ANKRD11: variants seen among roughly 807,000 people sequenced by gnomAD.
ANKRD11 encodes the protein ankyrin repeat domain 11, also known as ankyrin repeat domain-containing protein 11.
ANKRD11 carries 17 observed loss-of-function variants against 195.7 expected under a neutral mutation model. The observed-to-expected ratio is 0.09, with a 90% CI of 0.06 to 0.13. The LOEUF (loss-of-function observed/expected upper bound fraction) is 0.13. Ranked by LOEUF, ANKRD11 falls within the 10% of genes least tolerant of loss-of-function variation. The pLI is 1.00. For synonymous variants in ANKRD11, 1,953 were observed against 1,528.1 expected, an observed-to-expected ratio of 1.28 and a Z score of -6.49; for missense variants, 3,735 against 3,566.1, an observed-to-expected ratio of 1.05 and a Z score of -1.21.
At chr16:89,463,524 C>G (rs1360221849) in intron 1 of ANKRD11, among the ~76,000 whole-genome samples, 2 of 152,188 alleles carry the variant, frequency 1.3e-5, no homozygotes, top group African/African-American at 2.4e-5. Flanking sequence ...CCCAGGGACA[C>G]AAACACTGCG....
intron 1 of ANKRD11, among the ~76,000 whole-genome samples, chr16:89,435,835 C>CACACACACACA (rs1555578690): frequency 2.7e-5 from 4 of 150,032 alleles, no homozygotes; most frequent in African/African-American, 1.0e-4. Flanking sequence ...CACACACACA[C>CACACACACACA]GCTTTCGGTC....
In ANKRD11 at chr16:89,280,314, C is replaced by T. The variant is rs747252585; in HGVS notation, c.6228G>A (p.Pro2076=). The change falls in exon 9 of 13, where the codon CCG becomes CCA. Residue 2076 remains proline, a synonymous_variant. Coordinates refer to ENST00000301030, the MANE Select transcript of ANKRD11 (RefSeq NM_013275.6). ...AGGCGGGCTCGGGGGCCACGTCCAG[C>T]GGGGCTTCCGGAAGTGACTTGCAGT... The part of the protein sequence containing the change: ...FSNCKSLPEA[P]LDVAPEPACV... The T allele has an allele frequency of 3.8e-6, 6 of 1,589,462 alleles. No individual in the cohort carries two copies. Among genetic ancestry groups the T allele is most frequent in the Non-Finnish European group, 4.3e-6 (5 of 1,167,786 alleles).
At chr16:89,396,384 G>A (rs1056487544) in intron 2 of ANKRD11, among the ~76,000 whole-genome samples, 6 of 152,110 alleles carry the variant, frequency 3.9e-5, no homozygotes, top group South Asian at 2.1e-4. Context: ...CGCACTCGCC[G>A]CAAGAGAGAC....
chr16:89,414,725 C>T (rs1307228500), intron 2 of ANKRD11, among the ~76,000 whole-genome samples: 1 of 152,122 alleles, frequency 6.6e-6, no homozygotes, highest in South Asian at 2.1e-4. Flanking sequence ...TATGTCACTG[C>T]GGCCACACCT....
chr16:89,268,467 G>A lies in ANKRD11; in HGVS notation c.*11C>T, dbSNP rs1012817707. Reference sequence around the variant, plus strand: ...CGGCCCTCGCCTGCGTCCTGCGGCCGTCCCGCGGTGTCATGCCGGCAACAA... The same window carrying A: ...CGGCCCTCGCCTGCGTCCTGCGGCCATCCCGCGGTGTCATGCCGGCAACAA... On this transcript the variant is annotated 3_prime_UTR_variant, in exon 13 of 13. Transcript: ENST00000301030. The A allele has an allele frequency of 4.3e-5, 51 of 1,184,852 alleles. No individual in the cohort carries two copies. In the Admixed American group the frequency reaches 6.2e-4, roughly 15 times the overall value. The allele number at this position is 1,184,852 out of a possible 1,614,324, so 73.4% of individuals were successfully genotyped here. A position where few individuals can be genotyped will look rare whatever the true frequency, so the allele number is the denominator to read the frequency against.
intron 1 of ANKRD11, among the ~76,000 whole-genome samples, chr16:89,441,446 A>G (rs1386748469): frequency 6.6e-6 from 1 of 152,030 alleles, no homozygotes; most frequent in African/African-American, 2.4e-5. Context: ...AGTCAGGAAA[A>G]AAACTTCAGA....
chr16:89,426,529 TCACACACA>T (rs55664494), intron 1 of ANKRD11, among the ~76,000 whole-genome samples: 53 of 142,356 alleles, frequency 3.7e-4, no homozygotes, highest in East Asian at 3.4e-3. Context: ...CACTTAAACA[TCACACACA>T]CACACACACA....
chr16:89,342,152 A>G (rs573327526), intron 2 of ANKRD11, among the ~76,000 whole-genome samples: 3 of 152,280 alleles, frequency 2.0e-5, no homozygotes, highest in African/African-American at 7.2e-5. Context: ...GCCCTTCTAG[A>G]TCTTGGCGTC....
chr16:89,298,152 A>G (rs1838729615), intron 4 of ANKRD11: 1 of 152,272 alleles, frequency 6.6e-6, no homozygotes. Flanking sequence ...TTTCACCAGC[A>G]TCCAGCGGTC....
In ANKRD11 at chr16:89,318,923, T is replaced by C. The variant is rs536406820; in HGVS notation, c.-59-1845A>G. Among the ~76,000 whole-genome samples the C allele has an allele frequency of 2.5e-3, 388 of 152,302 alleles. 1 individual carries two copies. Among genetic ancestry groups the C allele is most frequent in the African/African-American group, 8.9e-3 (371 of 41,562 alleles). The stretch of plus-strand genomic sequence containing the variant: ...TATTTTCTCTCTCTACCTGAACCAA[T>C]GAATTTTACATTCTCTTCCAATTTT... On this transcript the variant is annotated intron_variant, in intron 2 of 12. Transcript: ENST00000301030.
At chr16:89,433,229 A>G (rs551502645) in intron 1 of ANKRD11, among the ~76,000 whole-genome samples, 4 of 152,314 alleles carry the variant, frequency 2.6e-5, no homozygotes, top group African/African-American at 4.8e-5. Context: ...GGGTTTCATG[A>G]CAAGGCCCAG....
intron 1 of ANKRD11, among the ~76,000 whole-genome samples, chr16:89,453,249 T>C (rs1406114735): frequency 6.6e-6 from 1 of 152,220 alleles, no homozygotes; most frequent in African/African-American, 2.4e-5. Context: ...ACATTAAATT[T>C]TGTTTCAGTT....
chr16:89,464,116 G>A (rs202155268), intron 1 of ANKRD11, among the ~76,000 whole-genome samples: 2 of 151,924 alleles, frequency 1.3e-5, no homozygotes, highest in African/African-American at 4.8e-5. Flanking sequence ...GCGGGCGCCT[G>A]TAGTCCCAGC....
At position 89,285,066 on chromosome 16, in the gene ANKRD11, G is replaced by A. The variant is rs1482475888; in HGVS notation, c.1476C>T (p.Asp492=). The A allele has an allele frequency of 4.3e-6, 7 of 1,613,884 alleles. No individual in the cohort carries two copies. The highest frequency in any genetic ancestry group is 2.2e-5 in the South Asian group (2 of 91,078). The stretch of plus-strand genomic sequence containing the variant: ...AGCCAGAGCTCCCCAGAGAGTCCCT[G>A]TCATCCTCCCCACTCTCTGAGGACT... The part of the protein sequence containing the change: ...ESESSESGED[D]RDSLGSSGCL... The change falls in exon 9 of 13, where the codon GAC becomes GAT. Residue 492 remains aspartate (D), a synonymous_variant. Transcript: ENST00000301030. The surrounding 1 kb of genome is among the most constrained non-coding windows in gnomAD (Gnocchi z 5.6).
chr16:89,489,227 GC>G (rs2057724259), intron 1 of ANKRD11: 1 of 23,908 alleles, frequency 4.2e-5, no homozygotes, highest in African/African-American at 9.2e-5. Context: ...ACACACACAC[GC>G]GCGCGCGCGC....
intron 2 of ANKRD11, among the ~76,000 whole-genome samples, chr16:89,388,315 T>TTTTTTG (rs2041018887): frequency 6.9e-6 from 1 of 145,398 alleles, no homozygotes. Context: ...TTTTTTTTTT[T>TTTTTTG]GAGACGGAGT....
At chr16:89,303,128 A>C (rs2035956563) in intron 4 of ANKRD11, among the ~76,000 whole-genome samples, 1 of 152,160 alleles carries the variant, frequency 6.6e-6, no homozygotes, top group Non-Finnish European at 1.5e-5. Context: ...CCACCTTACC[A>C]AGTGGGATCA....
intron 2 of ANKRD11, among the ~76,000 whole-genome samples, chr16:89,348,013 A>T (rs964289245): frequency 3.3e-5 from 5 of 151,710 alleles, no homozygotes; most frequent in African/African-American, 1.2e-4. Flanking sequence ...GGCTCACTGC[A>T]GCCTCTACCT....
At chr16:89,388,285 T>A (rs939642036) in intron 2 of ANKRD11, among the ~76,000 whole-genome samples, 2 of 140,956 alleles carry the variant, frequency 1.4e-5, no homozygotes, top group African/African-American at 5.3e-5. Flanking sequence ...CTTCTCTCCA[T>A]GAGGCTGATT....
Sources: gnomAD v4.1 joint callset for allele counts (sites outside exome capture counted in the v4.1 genomes callset) on GRCh38, gnomAD v4.1.1 for gene constraint, Gnocchi (gnomAD v3.1) non-coding constraint, MANE v1.5 for transcripts, NCBI Gene and HGNC (gene_info 2026-07-23, HGNC 2026-07-21) for gene names.